GPA33: variants seen among roughly 807,000 people sequenced by gnomAD.
GPA33 encodes the protein cell surface A33 antigen.
In GPA33, 27 loss-of-function variants were observed where a neutral mutation model predicts 35.6. The ratio of observed to expected loss-of-function variants is 0.76; its 90% CI spans 0.56 to 1.04. The LOEUF is 1.04. Ranked by LOEUF, GPA33 falls within the 50% of genes least tolerant of loss-of-function variation. GPA33 has a pLI of 0.00. For synonymous variants in GPA33, 176 were observed against 164.0 expected (o/e 1.07, Z -0.56); for missense variants, 428 against 411.9 (o/e 1.04, Z -0.34).
intron 1 of GPA33, among the ~76,000 whole-genome samples, chr1:167,075,882 A>C (rs189162076): frequency 2.0e-5 from 3 of 152,340 alleles, no homozygotes; most frequent in Admixed American, 1.3e-4. Flanking sequence ...AAGTTTCTTG[A>C]AAGCAAAGGA....
At chr1:167,062,408 CAG>C (rs1666476911) in intron 4 of GPA33, among the ~76,000 whole-genome samples, 1 of 150,838 alleles carries the variant, frequency 6.6e-6, no homozygotes, top group South Asian at 2.1e-4. Context: ...TGTTTGGAGA[CAG>C]GGGTCTCACA....
chr1:167,074,323 T>G (rs1666780233), intron 1 of GPA33, among the ~76,000 whole-genome samples: 1 of 151,944 alleles, frequency 6.6e-6, no homozygotes, highest in South Asian at 2.1e-4. Context: ...TCCCTTGCGA[T>G]GCTCACCCTG....
chr1:167,061,998 G>T (rs1189946810), intron 4 of GPA33, among the ~76,000 whole-genome samples: 1 of 151,914 alleles, frequency 6.6e-6, no homozygotes, highest in Non-Finnish European at 1.5e-5. Flanking sequence ...CTTCCCCCGG[G>T]TCCTCATCCC....
intron 4 of GPA33, among the ~76,000 whole-genome samples, chr1:167,056,182 AT>A (rs1666246411): frequency 1.3e-5 from 2 of 152,242 alleles, no homozygotes; most frequent in Admixed American, 6.5e-5. Flanking sequence ...ACTTGCAAGC[AT>A]AAAATGAGGT....
In GPA33 at chr1:167,081,296, C is replaced by T. The variant is rs780777490; in HGVS notation, c.44-7757G>A. On this transcript the variant is annotated intron_variant, in intron 1 of 6. Transcript: ENST00000367868. The stretch of plus-strand genomic sequence containing the variant: ...AAAATCTATTTGCTCAGAGAAACCA[C>T]GTTCTTAGGGAGGAGATTCTGGAGG... Among the ~76,000 whole-genome samples, 15 of 152,144 alleles carry T rather than the reference C, an allele frequency of 9.9e-5. No individual in the cohort carries two copies. In the South Asian group the frequency reaches 1.2e-3, roughly 13 times the overall value.
At position 167,090,095 on chromosome 1, in the gene GPA33, G is replaced by A. The variant is rs1000854086; in HGVS notation, c.43+150C>T. Reference sequence around the variant, plus strand: ...AAAAACCATTCTGATTCTGGGCACTGGTCCGGAATGTGTAATTCTGGCCCA... The same window carrying A: ...AAAAACCATTCTGATTCTGGGCACTAGTCCGGAATGTGTAATTCTGGCCCA... On this transcript the variant is annotated intron_variant, in intron 1 of 6. Coordinates refer to ENST00000367868, the MANE Select transcript of GPA33 (RefSeq NM_005814.3). The A allele has an allele frequency of 9.3e-6, 6 of 646,896 alleles. No individual in the cohort carries two copies. The African/African-American group carries it at 1.1e-4, about 12-fold the overall frequency. The allele number at this position is 646,896 out of a possible 1,614,324, so 40.1% of individuals were successfully genotyped here.
At chr1:167,082,020 G>A (rs80346950) in intron 1 of GPA33, among the ~76,000 whole-genome samples, 130 of 152,268 alleles carry the variant, frequency 8.5e-4, no homozygotes, top group African/African-American at 2.9e-3. Flanking sequence ...GTGTAGGGGA[G>A]GAGCTGAGTT....
intron 1 of GPA33, among the ~76,000 whole-genome samples, chr1:167,078,028 GGCTGCT>G (rs762472813): frequency 6.6e-6 from 1 of 152,194 alleles, no homozygotes; most frequent in Non-Finnish European, 1.5e-5. Flanking sequence ...GAGGGTATAG[GGCTGCT>G]GCCCAACAGT....
chr1:167,054,439 T>C lies in GPA33; in HGVS notation c.855A>G (p.Pro285=), dbSNP rs1257136771. Residue 285 remains proline, a synonymous_variant, in exon 7 of 7, where the codon CCA becomes CCG. Transcript: ENST00000367868. ...RPNREAYEEP[P]EQLRELSRER... is the part of the protein sequence containing the mutation. Reference sequence around the variant, plus strand: ...CTCTGGAAAGTTCTCTTAGCTGCTCTGGTGGCTCCTCATAGGCTTCCCGGT... The same window carrying C: ...CTCTGGAAAGTTCTCTTAGCTGCTCCGGTGGCTCCTCATAGGCTTCCCGGT... The C allele has an allele frequency of 1.2e-6, 2 of 1,613,994 alleles. No homozygotes were observed. The highest frequency in any genetic ancestry group is 1.7e-6 in the Non-Finnish European group (2 of 1,180,018).
In GPA33 at chr1:167,081,509, A is replaced by T. The variant is rs952483905; in HGVS notation, c.44-7970T>A. 3.4e-4 allele frequency among the ~76,000 whole-genome samples: 51 copies of T among 152,108 alleles called. 1 individual carries two copies. The highest frequency in any genetic ancestry group is 1.9e-3 in the Admixed American group (29 of 15,268). ...GAGGCAGGGAGGGAGGTGGTTTAGG[A>T]CTCAATAAATGTTGAACCGTTCATT... On this transcript the variant is annotated intron_variant, in intron 1 of 6. Transcript: ENST00000367868.
intron 1 of GPA33, among the ~76,000 whole-genome samples, chr1:167,076,466 G>C (rs555037295): frequency 2.0e-5 from 3 of 152,208 alleles, no homozygotes; most frequent in Non-Finnish European, 4.4e-5. Context: ...CCCCCGCCCA[G>C]CTGGGAAGAC....
intron 3 of GPA33, 134 bp from the exon 4 acceptor site, chr1:167,063,871 T>C (rs1666527636): frequency 1.6e-6 from 1 of 616,060 alleles, no homozygotes; most frequent in Admixed American, 3.3e-5. Flanking sequence ...CATAGTTGAG[T>C]AGTGAGATGG....
At chr1:167,071,669 T>C (rs1426458309) in intron 2 of GPA33, among the ~76,000 whole-genome samples, 3 of 152,126 alleles carry the variant, frequency 2.0e-5, no homozygotes, top group Non-Finnish European at 4.4e-5. Flanking sequence ...TCCTTCCCAA[T>C]TCTGCTCTTT....
At chr1:167,065,709 G>A (rs1194109369) in intron 3 of GPA33, among the ~76,000 whole-genome samples, 1 of 152,168 alleles carries the variant, frequency 6.6e-6, no homozygotes, top group Non-Finnish European at 1.5e-5. Context: ...GGCTATTGTT[G>A]GGTGTGCCCA....
Position 167,073,410 on chromosome 1 carries a change from C to A in GPA33, c.173G>T (p.Trp58Leu). Residue 58 changes from tryptophan to leucine, a missense_variant, in exon 2 of 7, where the codon TGG becomes TTG. Physicochemically the swap from Trp to Leu is moderately conservative, Grantham distance 61. Coordinates refer to ENST00000367868, the MANE Select transcript of GPA33 (RefSeq NM_005814.3). ...CGTATGAGTGAGGAGGAGCTTATCC[C>A]ATTGAATAAGTCCCTCTCGACTGGA... Reference protein sequence around the residue: ...STSSREGLIQWDKLLLTHTER... With the variant: ...STSSREGLIQLDKLLLTHTER... 1.9e-6 allele frequency: 3 copies of A among 1,613,844 alleles called. No homozygotes were observed. In the East Asian group the frequency reaches 6.7e-5, roughly 36 times the overall value.
In GPA33 at chr1:167,082,180, A is replaced by G. The variant is rs1407516129; in HGVS notation, c.43+8065T>C. ...GTGTCCCAGTCCTACACAATCACAG[A>G]CAGAGAGAGAGAGAGAATATTTCTA... is the stretch of plus-strand genomic sequence containing the variant. On this transcript the variant is annotated intron_variant, in intron 1 of 6. Coordinates refer to ENST00000367868, the MANE Select transcript of GPA33 (RefSeq NM_005814.3). The G allele has an allele frequency of 6.7e-6, 3 of 448,578 alleles. No individual in the cohort carries two copies. The East Asian group carries it at 2.1e-4, about 31-fold the overall frequency. 27.8% of individuals were successfully genotyped at this position (448,578 alleles called of 1,614,324 possible). A position where few individuals can be genotyped will look rare whatever the true frequency, so the allele number is the denominator to read the frequency against.
intron 3 of GPA33, among the ~76,000 whole-genome samples, chr1:167,067,775 C>T (rs1322151963): frequency 1.1e-4 from 17 of 151,896 alleles, no homozygotes. Flanking sequence ...TGGAGAAATG[C>T]GCATGAAACA....
chr1:167,089,465 C>T (rs568559140), intron 1 of GPA33, among the ~76,000 whole-genome samples: 3 of 152,314 alleles, frequency 2.0e-5, no homozygotes, highest in African/African-American at 4.8e-5. Context: ...CCAAACCCTG[C>T]GTCTCTCAAC....
chr1:167,055,262 T>G, intron 5 of GPA33, 151 bp from the exon 6 acceptor site: 2 of 707,624 alleles, frequency 2.8e-6, no homozygotes, highest in Non-Finnish European at 4.7e-6. Context: ...CCCAGGAATA[T>G]TCTTCAGGAT....
Sources: allele counts gnomAD v4.1 joint callset (sites outside exome capture counted in the v4.1 genomes callset), GRCh38; gene constraint gnomAD v4.1.1; transcripts MANE v1.5; gene names NCBI Gene and HGNC (gene_info 2026-07-23, HGNC 2026-07-21).